MICAL3: variants seen among roughly 807,000 people sequenced by gnomAD.
MICAL3 encodes microtubule associated monooxygenase, calponin and LIM domain containing 3.
Under a neutral mutation model 207.4 loss-of-function variants are expected in MICAL3, and 62 were observed. The ratio of observed to expected loss-of-function variants is 0.30; its 90% CI spans 0.24 to 0.37. The LOEUF is 0.37. Among genes scored for constraint, MICAL3 ranks in the 10% least tolerant of loss-of-function variants. The pLI is 1.00. For synonymous variants in MICAL3, 1,077 were observed against 1,069.3 expected (o/e 1.01, Z -0.14); for missense variants, 2,368 against 2,635.6 (o/e 0.90, Z 2.22).
At chr22:17,974,963 CAG>C (rs1231890337) in intron 1 of MICAL3, among the ~76,000 whole-genome samples, 1 of 152,162 alleles carries the variant, frequency 6.6e-6, no homozygotes, top group Non-Finnish European at 1.5e-5. Flanking sequence ...TGGTAGAAGA[CAG>C]AGCTGGGCCC....
chr22:17,972,518 G>C (rs1935464130), intron 1 of MICAL3, among the ~76,000 whole-genome samples: 1 of 152,150 alleles, frequency 6.6e-6, no homozygotes, highest in South Asian at 2.1e-4. Flanking sequence ...CACACAGAAA[G>C]GTTGAGCCCG....
intron 19 of MICAL3, among the ~76,000 whole-genome samples, chr22:17,849,990 C>G (rs1381901148): frequency 6.6e-6 from 1 of 152,060 alleles, no homozygotes; most frequent in Non-Finnish European, 1.5e-5. Flanking sequence ...CGCGCCCAGT[C>G]CCAGGATGGA....
At chr22:17,826,485 C>T (rs528442096) in intron 22 of MICAL3, 92 of 985,950 alleles carry the variant, frequency 9.3e-5, no homozygotes, top group Admixed American at 8.6e-4. Context: ...AGGCCTGCAC[C>T]GCCGCGTGGC....
intron 16 of MICAL3, chr22:17,875,451 C>T (rs780141693): frequency 3.4e-5 from 53 of 1,547,498 alleles, no homozygotes; most frequent in Non-Finnish European, 4.4e-5. Context: ...TGCTACCTGT[C>T]GGAGGGAGTC....
chr22:17,961,031 G>A (rs1243100550), intron 1 of MICAL3, among the ~76,000 whole-genome samples: 6 of 152,210 alleles, frequency 3.9e-5, no homozygotes, highest in Admixed American at 1.3e-4. Flanking sequence ...GAATGACATC[G>A]CTACCGTGTG....
chr22:18,015,160 C>G (rs1377909358), intron 1 of MICAL3, among the ~76,000 whole-genome samples: 1 of 152,134 alleles, frequency 6.6e-6, no homozygotes, highest in African/African-American at 2.4e-5. Flanking sequence ...AAGGACTTCA[C>G]CAAAGTTAAA....
intron 29 of MICAL3, among the ~76,000 whole-genome samples, chr22:17,797,036 G>A (rs1050107489): frequency 1.3e-5 from 2 of 152,094 alleles, no homozygotes; most frequent in Non-Finnish European, 2.9e-5. Context: ...AAGACACCCG[G>A]GCAGCTGGAA....
intron 12 of MICAL3, among the ~76,000 whole-genome samples, chr22:17,890,555 G>T (rs1243684691): frequency 6.6e-6 from 1 of 152,132 alleles, no homozygotes; most frequent in African/African-American, 2.4e-5. Flanking sequence ...GAGCACCAGA[G>T]GTCACTTACC....
At chr22:18,008,345 G>A (rs1003664610) in intron 1 of MICAL3, among the ~76,000 whole-genome samples, 13 of 152,202 alleles carry the variant, frequency 8.5e-5, no homozygotes, top group African/African-American at 3.1e-4. Flanking sequence ...AACCCCAAGG[G>A]CATTCAGCTT....
At chr22:17,862,981 C>T (rs567824595) in intron 19 of MICAL3, 21 of 985,420 alleles carry the variant, frequency 2.1e-5, no homozygotes, top group South Asian at 9.4e-5. Context: ...CGGACAGAGA[C>T]GTCCTCAGGG....
chr22:17,896,127 A>T, intron 9 of MICAL3, 119 bp downstream of exon 9: 1 of 588,874 alleles, frequency 1.7e-6, no homozygotes, highest in Non-Finnish European at 3.1e-6. Flanking sequence ...CCACATGAAA[A>T]CATCTTTAAT....
chr22:17,978,094 C>G lies in MICAL3; in HGVS notation c.-75+46187G>C, dbSNP rs993068557. The stretch of plus-strand genomic sequence containing the variant: ...CACCTACACAAAAACTTGCACATGA[C>G]TATTCATAGCAATATTCCAAATAGT... On this transcript the variant is annotated intron_variant, in intron 1 of 31. Transcript: ENST00000441493. Among the ~76,000 whole-genome samples, 9 of 151,944 alleles carry G rather than the reference C, an allele frequency of 5.9e-5. No homozygotes were observed. The South Asian group carries it at 6.2e-4, about 11-fold the overall frequency.
At chr22:17,960,480 C>G (rs1452201786) in intron 1 of MICAL3, among the ~76,000 whole-genome samples, 1 of 152,198 alleles carries the variant, frequency 6.6e-6, no homozygotes, top group Non-Finnish European at 1.5e-5. Flanking sequence ...AGTGAGGGGA[C>G]AGGTACCACA....
At chr22:17,972,356 C>T (rs12157484) in intron 1 of MICAL3, among the ~76,000 whole-genome samples, 30,128 of 152,164 alleles carry the variant, frequency 0.2, 3,193 homozygotes, top group Middle Eastern at 0.27. Context: ...AAGGTGGTGA[C>T]AACGGGTTTC....
chr22:17,822,611 G>A (rs1024815433), intron 23 of MICAL3, among the ~76,000 whole-genome samples: 2 of 152,064 alleles, frequency 1.3e-5, no homozygotes, highest in Non-Finnish European at 2.9e-5. Flanking sequence ...TCCCAGCCTC[G>A]TCCCTGACCC....
chr22:17,864,886 G>A lies in MICAL3; in HGVS notation c.2605+13C>T. The A allele has an allele frequency of 6.2e-7, 1 of 1,613,918 alleles. No homozygotes were observed. Among genetic ancestry groups the A allele is most frequent in the Non-Finnish European group, 8.5e-7 (1 of 1,179,880 alleles). On this transcript the variant is annotated intron_variant, in intron 19 of 31. Coordinates refer to ENST00000441493, the MANE Select transcript of MICAL3 (RefSeq NM_015241.3). Reference sequence around the variant, plus strand: ...GTGACGCGCCACCCAGCCAAACAAGGAAGTGAGGCTACCTGGGGTTCTCTC... The same window carrying A: ...GTGACGCGCCACCCAGCCAAACAAGAAAGTGAGGCTACCTGGGGTTCTCTC...
intron 16 of MICAL3, among the ~76,000 whole-genome samples, chr22:17,873,038 C>T (rs771061719): frequency 1.3e-5 from 2 of 152,214 alleles, no homozygotes; most frequent in East Asian, 1.9e-4. Context: ...AGAAAAACAT[C>T]GCGTCAGTGT....
chr22:17,879,325 C>G, intron 16 of MICAL3: 1 of 1,598,154 alleles, frequency 6.3e-7, no homozygotes, highest in Non-Finnish European at 8.5e-7. Context: ...CATCCCATGC[C>G]ACGGGTTCAT....
intron 7 of MICAL3, 40 bp from the exon 8 acceptor site, chr22:17,897,021 C>G: frequency 6.4e-7 from 1 of 1,573,830 alleles, no homozygotes; most frequent in Non-Finnish European, 8.6e-7. Flanking sequence ...TGGAGAAGCT[C>G]TGGCACTCAG....
Sources: gnomAD v4.1 joint callset for allele counts (sites outside exome capture counted in the v4.1 genomes callset) on GRCh38, gnomAD v4.1.1 for gene constraint, MANE v1.5 for transcripts, NCBI Gene and HGNC (gene_info 2026-07-23, HGNC 2026-07-21) for gene names.